The following IPCEF1 variants were observed in gnomAD, a reference collection of about 807,000 sequenced individuals.
The protein encoded by IPCEF1 is interaction protein for cytohesin exchange factors 1.
A neutral mutation model predicts 50.9 loss-of-function variants in IPCEF1; 31 were observed. The observed-to-expected ratio is 0.61, with a 90% CI of 0.46 to 0.82. The LOEUF (loss-of-function observed/expected upper bound fraction) is 0.82. Ranked by LOEUF, IPCEF1 falls within the 40% of genes least tolerant of loss-of-function variation. The pLI, the probability that IPCEF1 is intolerant of heterozygous loss-of-function variation, is 0.00. For missense variants in IPCEF1, 458 were observed against 514.0 expected, an observed-to-expected ratio of 0.89 and a Z score of 1.05; for synonymous variants, 181 against 192.0, an observed-to-expected ratio of 0.94 and a Z score of 0.47.
In IPCEF1 at chr6:154,160,052, G is replaced by GA; in HGVS notation, c.1105-13dup. On this transcript the variant is annotated splice_polypyrimidine_tract_variant and intron_variant, in intron 11 of 11. Coordinates refer to ENST00000367220, the MANE Select transcript of IPCEF1 (RefSeq NM_001130700.2). ...TCATGTTCTTTACACTGTGTGAGTA[G>GA]AAAAAAAGGGGAAGGGGGTATGTTG... The GA allele has an allele frequency of 5.1e-6, 8 of 1,582,938 alleles. No homozygotes were observed. Among genetic ancestry groups the GA allele is most frequent in the Admixed American group, 1.8e-5 (1 of 54,206 alleles).
At chr6:154,300,733 T>C (rs1782770487) in intron 1 of IPCEF1, among the ~76,000 whole-genome samples, 1 of 152,220 alleles carries the variant, frequency 6.6e-6, no homozygotes, top group South Asian at 2.1e-4. Flanking sequence ...AGATTCCCCA[T>C]GGGCTTTGAA....
In IPCEF1 at chr6:154,294,416, G is replaced by T. The variant is rs1782586801; in HGVS notation, c.-61-4660C>A. Among the ~76,000 whole-genome samples, 3 of 152,182 alleles carry T rather than the reference G, an allele frequency of 2.0e-5. No individual in the cohort carries two copies. The South Asian group carries it at 6.2e-4, about 32-fold the overall frequency. Reference sequence around the variant, plus strand: ...CCAATGATAAAAGTACTGGAGGCTGGATGCAATAGGTTATGCCTATAATCC... The same window carrying T: ...CCAATGATAAAAGTACTGGAGGCTGTATGCAATAGGTTATGCCTATAATCC... On this transcript the variant is annotated intron_variant, in intron 1 of 11. Coordinates refer to ENST00000367220, the MANE Select transcript of IPCEF1 (RefSeq NM_001130700.2).
At chr6:154,161,781 AC>A (rs1398414324) in intron 11 of IPCEF1, among the ~76,000 whole-genome samples, 1 of 152,194 alleles carries the variant, frequency 6.6e-6, no homozygotes, top group African/African-American at 2.4e-5. Context: ...TGCCATGTAG[AC>A]ATTCAATTCA....
At chr6:154,343,415 T>A (rs1209962130) in intron 1 of IPCEF1, among the ~76,000 whole-genome samples, 1 of 152,218 alleles carries the variant, frequency 6.6e-6, no homozygotes, top group African/African-American at 2.4e-5. Context: ...ATGCTTTGCC[T>A]ACAAAACTCA....
chr6:154,243,093 C>T (rs755572386), intron 5 of IPCEF1, among the ~76,000 whole-genome samples: 36 of 152,038 alleles, frequency 2.4e-4, no homozygotes, highest in African/African-American at 8.2e-4. Flanking sequence ...ACAGCATATG[C>T]GAAGGCTTAG....
intron 1 of IPCEF1, among the ~76,000 whole-genome samples, chr6:154,314,612 G>T (rs1197352028): frequency 6.6e-6 from 1 of 152,060 alleles, no homozygotes; most frequent in Non-Finnish European, 1.5e-5. Flanking sequence ...AGAAAACTCA[G>T]AACAGTATTA....
chr6:154,246,194 G>T (rs1363863508), intron 5 of IPCEF1, among the ~76,000 whole-genome samples: 1 of 152,206 alleles, frequency 6.6e-6, no homozygotes, highest in East Asian at 1.9e-4. Flanking sequence ...CACCCTTGTA[G>T]GTCGTGAAGC....
intron 9 of IPCEF1, among the ~76,000 whole-genome samples, chr6:154,208,468 T>C (rs1324609814): frequency 2.0e-5 from 3 of 152,208 alleles, no homozygotes; most frequent in Non-Finnish European, 4.4e-5. Context: ...TGGACTCCAC[T>C]TCTGATGTAG....
intron 3 of IPCEF1, among the ~76,000 whole-genome samples, chr6:154,254,391 A>C (rs1227803852): frequency 6.6e-6 from 1 of 152,200 alleles, no homozygotes; most frequent in African/African-American, 2.4e-5. Flanking sequence ...CACGTCTTAC[A>C]TGGCAGCAGG....
chr6:154,261,115 G>C (rs745482927), intron 3 of IPCEF1, among the ~76,000 whole-genome samples: 17 of 152,042 alleles, frequency 1.1e-4, no homozygotes, highest in Non-Finnish European at 1.9e-4. Context: ...GACCACTGCA[G>C]CCTCGATCTC....
chr6:154,172,967 A>G (rs1389636559), intron 10 of IPCEF1, among the ~76,000 whole-genome samples: 1 of 152,200 alleles, frequency 6.6e-6, no homozygotes, highest in South Asian at 2.1e-4. Flanking sequence ...TTCCAGAGGA[A>G]GGATCAGGCA....
intron 5 of IPCEF1, among the ~76,000 whole-genome samples, chr6:154,240,821 G>C (rs1353020371): frequency 2.6e-5 from 4 of 152,172 alleles, no homozygotes; most frequent in African/African-American, 4.8e-5. Context: ...GAAAGCAAAG[G>C]AGAAACACAA....
intron 3 of IPCEF1, among the ~76,000 whole-genome samples, chr6:154,258,786 A>G (rs1781523147): frequency 6.6e-6 from 1 of 152,216 alleles, no homozygotes; most frequent in African/African-American, 2.4e-5. Flanking sequence ...CTGAACAACT[A>G]CAACTCTGCT....
intron 1 of IPCEF1, among the ~76,000 whole-genome samples, chr6:154,329,406 G>C (rs1418844839): frequency 6.6e-6 from 1 of 151,880 alleles, no homozygotes; most frequent in Non-Finnish European, 1.5e-5. Flanking sequence ...GATCAGCCTG[G>C]GCAACAAAGT....
chr6:154,247,070 C>A, intron 4 of IPCEF1: 1 of 393,020 alleles, frequency 2.5e-6, no homozygotes, highest in Non-Finnish European at 4.5e-6. Flanking sequence ...TAGTATTCAC[C>A]AAGAATAAGT....
chr6:154,318,921 G>A (rs906791252), intron 1 of IPCEF1, among the ~76,000 whole-genome samples: 3 of 152,058 alleles, frequency 2.0e-5, no homozygotes, highest in Non-Finnish European at 1.5e-5. Context: ...ATGTCAACAA[G>A]GGGAACTTTC....
At chr6:154,238,456 G>T (rs751757065) in intron 5 of IPCEF1, among the ~76,000 whole-genome samples, 25 of 152,074 alleles carry the variant, frequency 1.6e-4, no homozygotes, top group Non-Finnish European at 3.7e-4. Flanking sequence ...AATACAGACA[G>T]GGTTTCTCCA....
At chr6:154,181,220 A>T (rs1217759531) in intron 10 of IPCEF1, among the ~76,000 whole-genome samples, 1 of 152,174 alleles carries the variant, frequency 6.6e-6, no homozygotes, top group African/African-American at 2.4e-5. Flanking sequence ...AGTAGTGAGG[A>T]CACTACTGAC....
chr6:154,219,467 C>CA (rs1400944378), intron 7 of IPCEF1, among the ~76,000 whole-genome samples: 1 of 152,074 alleles, frequency 6.6e-6, no homozygotes, highest in African/African-American at 2.4e-5. Context: ...AGCACTGTTT[C>CA]ACCACCATTC....
Sources: allele counts gnomAD v4.1 joint callset (sites outside exome capture counted in the v4.1 genomes callset), GRCh38; gene constraint gnomAD v4.1.1; transcripts MANE v1.5; gene names NCBI Gene and HGNC (gene_info 2026-07-23, HGNC 2026-07-21).